Variants in WNT2B observed in about 807,000 individuals in gnomAD.
WNT2B encodes the protein Wnt family member 2B.
WNT2B carries 19 observed loss-of-function variants against 40.5 expected under a neutral mutation model. The observed-to-expected ratio is 0.47, with a 90% CI of 0.33 to 0.69. WNT2B has a LOEUF of 0.69. Among genes scored for constraint, WNT2B ranks in the 30% least tolerant of loss-of-function variants. The probability of loss-of-function intolerance (pLI) is 0.02; values close to 1 mark genes in which losing one functional copy is unlikely to be tolerated. For missense variants in WNT2B, 467 were observed against 556.4 expected (o/e 0.84, Z 1.62); for synonymous variants, 220 against 211.9 (o/e 1.04, Z -0.33).
chr1:112,502,314 C>T (rs1177967957), intron 1 of WNT2B, among the ~76,000 whole-genome samples: 2 of 152,192 alleles, frequency 1.3e-5, no homozygotes, highest in East Asian at 1.9e-4. Flanking sequence ...CCCTGGGGCC[C>T]GCCAGAGCCC....
intron 1 of WNT2B, among the ~76,000 whole-genome samples, chr1:112,486,658 AG>A (rs1651427327): frequency 7.4e-6 from 1 of 134,564 alleles, no homozygotes; most frequent in Non-Finnish European, 1.5e-5. Flanking sequence ...AAAGTTAATA[AG>A]AAAAAAAAAA....
chr1:112,529,148 G>A lies in WNT2B; in HGVS notation c.*8639G>A, dbSNP rs1180970627. On this transcript the variant is annotated 3_prime_UTR_variant, in exon 5 of 5. Coordinates refer to ENST00000369684, the MANE Select transcript of WNT2B (RefSeq NM_024494.3). Reference sequence around the variant, plus strand: ...TTGAACTATGGGTCTGACCCAGTGTGGCACTGAGTGTGTGTGTGTTTGTGT... The same window carrying A: ...TTGAACTATGGGTCTGACCCAGTGTAGCACTGAGTGTGTGTGTGTTTGTGT... 5 of 144,702 alleles carry A rather than the reference G, an allele frequency of 3.5e-5. No homozygotes were observed. The highest frequency in any genetic ancestry group is 2.1e-4 in the Admixed American group (3 of 14,032). 9.0% of individuals were successfully genotyped at this position (144,702 alleles called of 1,614,324 possible). A position where few individuals can be genotyped will look rare whatever the true frequency, so the allele number is the denominator to read the frequency against.
chr1:112,517,432 C>A (rs776591155), intron 4 of WNT2B, 47 bp downstream of exon 4: 1 of 1,562,108 alleles, frequency 6.4e-7, no homozygotes, highest in Non-Finnish European at 8.7e-7. Flanking sequence ...GTTCTTAGTG[C>A]AGGCACCCCT....
exon 1 of WNT2B, chr1:112,466,939 A>T (rs115628353): frequency 6.6e-6 from 1 of 152,460 alleles, no homozygotes; most frequent in African/African-American, 2.4e-5. Flanking sequence ...GGATAGAGAA[A>T]TAAGTTACAG....
At chr1:112,481,655 A>C (rs562370119) in intron 1 of WNT2B, among the ~76,000 whole-genome samples, 1 of 152,336 alleles carries the variant, frequency 6.6e-6, no homozygotes, top group South Asian at 2.1e-4. Context: ...AGACTCAATG[A>C]AAAAACTGTT....
rs1653135305 is a variant in WNT2B, at chr1:112,524,648, C to T, written c.*4139C>T. 6.6e-6 allele frequency: 1 copy of T among 152,584 alleles called. No individual in the cohort carries two copies. Among genetic ancestry groups the T allele is most frequent in the Admixed American group, 6.5e-5 (1 of 15,278 alleles). The allele number at this position is 152,584 out of a possible 1,614,324, so 9.5% of individuals were successfully genotyped here. The stretch of plus-strand genomic sequence containing the variant: ...CGACCCTCCACTTGGGAACTGCCTG[C>T]TACTACGGGGGTTGGGCATCTTTGA... On this transcript the variant is annotated 3_prime_UTR_variant, in exon 5 of 5. Coordinates refer to ENST00000369684, the MANE Select transcript of WNT2B (RefSeq NM_024494.3).
rs749138964 is a variant in WNT2B at position 112,509,336 on chromosome 1, C to A, written c.74C>A (p.Pro25Gln). ...CGCGCCAGCGCCCCGGTCCCTGTGC[C>A]GTCGCCCGCGGCCCCCGACGGCTCC... is the stretch of plus-strand genomic sequence containing the variant. ...LRRASAPVPV[P>Q]SPAAPDGSRA... Residue 25 changes from proline (P) to glutamine (Q), a missense_variant, in exon 1 of 5, where the codon CCG (proline) becomes CAG (glutamine). By Grantham distance (76) the Pro-to-Gln change is moderately conservative. Coordinates refer to ENST00000369684, the MANE Select transcript of WNT2B (RefSeq NM_024494.3). The surrounding 1 kb of genome is among the most constrained non-coding windows in gnomAD (Gnocchi z 4.2). 6.3e-7 allele frequency: 1 copy of A among 1,589,294 alleles called. No individual in the cohort carries two copies. Among genetic ancestry groups the A allele is most frequent in the Non-Finnish European group, 8.5e-7 (1 of 1,174,552 alleles).
chr1:112,516,301 A>G lies in WNT2B; in HGVS notation c.565A>G (p.Ser189Gly). Residue 189 changes from serine to glycine, a missense_variant, in exon 3 of 5, where the codon AGT becomes GGT. By Grantham distance (56) the Ser-to-Gly change is moderately conservative. Around this residue, in one of 2 missense-constraint regions of WNT2B, gnomAD observed 330 missense variants for 438.6 expected, o/e 0.75. Coordinates refer to ENST00000369684, the MANE Select transcript of WNT2B (RefSeq NM_024494.3). ...QRGDFDWGGC[S>G]DNIHYGVRFA... is the part of the protein sequence containing the mutation. ...TGGGGACTTTGACTGGGGTGGCTGC[A>G]GTGACAACATCCACTACGGTGTCCG... The G allele has an allele frequency of 6.2e-7, 1 of 1,614,076 alleles. No individual in the cohort carries two copies. The highest frequency in any genetic ancestry group is 8.5e-7 in the Non-Finnish European group (1 of 1,180,028).
chr1:112,473,454 A>G (rs568033014), intron 1 of WNT2B, among the ~76,000 whole-genome samples: 72 of 152,352 alleles, frequency 4.7e-4, no homozygotes, highest in South Asian at 2.3e-3. Context: ...GAGATTAAAA[A>G]AAAATGGATG....
rs1652506514 is a variant in WNT2B at position 112,515,725 on chromosome 1, TG to T, written c.404-411del. Among the ~76,000 whole-genome samples, 1 of 152,182 alleles carries T rather than the reference TG, an allele frequency of 6.6e-6. No individual in the cohort carries two copies. The highest frequency in any genetic ancestry group is 2.4e-5 in the African/African-American group (1 of 41,448). ...TCTCTAAACAGGCTGACCCCTGGGCTGGGGTCTCCATTGTGGGGGAACTGTC... is the reference window on the plus strand; with the variant it reads ...TCTCTAAACAGGCTGACCCCTGGGCTGGGTCTCCATTGTGGGGGAACTGTC... On this transcript the variant is annotated intron_variant, in intron 2 of 4. Transcript: ENST00000369684. This position sits in a 1 kb window ranked among gnomAD's most constrained non-coding sequence, Gnocchi z 4.4.
upstream of WNT2B, among the ~76,000 whole-genome samples, chr1:112,505,583 C>A (rs927036438): frequency 1.3e-5 from 2 of 152,242 alleles, no homozygotes; most frequent in Admixed American, 6.5e-5. Flanking sequence ...TGACCCTCTG[C>A]CTGGCAGCCC....
intron 4 of WNT2B, 104 bp from the exon 5 acceptor site, chr1:112,520,176 C>T: frequency 1.7e-6 from 2 of 1,210,390 alleles, no homozygotes; most frequent in Non-Finnish European, 2.3e-6. Context: ...GTGCCCAGCC[C>T]AAAAAAGCGA....
At chr1:112,487,966 C>T (rs1043416488) in intron 1 of WNT2B, among the ~76,000 whole-genome samples, 1 of 138,136 alleles carries the variant, frequency 7.2e-6, no homozygotes, top group Non-Finnish European at 1.5e-5. Context: ...AAAATCTAAG[C>T]TGTTGGTAGA....
chr1:112,502,619 T>C (rs1435370265), intron 1 of WNT2B, among the ~76,000 whole-genome samples: 2 of 150,746 alleles, frequency 1.3e-5, no homozygotes, highest in East Asian at 4.0e-4. Flanking sequence ...CCCCCGACCC[T>C]GCGTGTCCAC....
At chr1:112,470,884 C>CT (rs5777123) in intron 1 of WNT2B, among the ~76,000 whole-genome samples, 52,478 of 152,008 alleles carry the variant, frequency 0.35, 9,981 homozygotes, top group East Asian at 0.57. Context: ...GGCAAGGTCG[C>CT]TCTCACAGGG....
chr1:112,470,599 T>C (rs1024056609), intron 1 of WNT2B, among the ~76,000 whole-genome samples: 3 of 151,818 alleles, frequency 2.0e-5, no homozygotes, highest in African/African-American at 4.8e-5. Flanking sequence ...AATAAATAAA[T>C]AAATAATAAA....
At position 112,525,458 on chromosome 1, in the gene WNT2B, G is replaced by A. The variant is rs1653252683; in HGVS notation, c.*4949G>A. ...CAAAGGTAAAGGGATAGAAAAGAGA[G>A]GGCGTTGACAAACTCATTTTCCCAC... On this transcript the variant is annotated 3_prime_UTR_variant, in exon 5 of 5. Coordinates refer to ENST00000369684, the MANE Select transcript of WNT2B (RefSeq NM_024494.3). 2 of 152,714 alleles carry A rather than the reference G, an allele frequency of 1.3e-5. No individual in the cohort carries two copies. Among genetic ancestry groups the A allele is most frequent in the Non-Finnish European group, 2.9e-5 (2 of 68,546 alleles). 9.5% of individuals were successfully genotyped at this position (152,714 alleles called of 1,614,324 possible).
At chr1:112,490,240 G>A (rs956118454) in intron 1 of WNT2B, among the ~76,000 whole-genome samples, 1 of 152,142 alleles carries the variant, frequency 6.6e-6, no homozygotes, top group Non-Finnish European at 1.5e-5. Context: ...AAAAACCTCT[G>A]GAGTGACAAG....
rs1570825585 is a variant in WNT2B at position 112,526,699 on chromosome 1, C to T, written c.*6190C>T. 1 of 150,630 alleles carries T rather than the reference C, an allele frequency of 6.6e-6. No homozygotes were observed. The highest frequency in any genetic ancestry group is 6.6e-5 in the Admixed American group (1 of 15,136). 9.3% of individuals were successfully genotyped at this position (150,630 alleles called of 1,614,324 possible). On this transcript the variant is annotated 3_prime_UTR_variant, in exon 5 of 5. Coordinates refer to ENST00000369684, the MANE Select transcript of WNT2B (RefSeq NM_024494.3). ...GAGCTTGCAGTGAGCCAAGATGCAC[C>T]ACTGCACTCCAGCCTGGGAGACAGA...
Sources: allele counts gnomAD v4.1 joint callset (sites outside exome capture counted in the v4.1 genomes callset), GRCh38; gene constraint gnomAD v4.1.1; regional missense constraint gnomAD v4.1.1; non-coding constraint Gnocchi (gnomAD v3.1); transcripts MANE v1.5; gene names NCBI Gene and HGNC (gene_info 2026-07-23, HGNC 2026-07-21).